CDC42BPA: variants seen among roughly 807,000 people sequenced by gnomAD.
The protein encoded by CDC42BPA is serine/threonine-protein kinase MRCK alpha.
A neutral mutation model predicts 223.5 loss-of-function variants in CDC42BPA; 80 were observed. The observed-to-expected ratio is 0.36, with a 90% CI of 0.30 to 0.43. CDC42BPA has a LOEUF of 0.43. Among genes scored for constraint, CDC42BPA ranks in the 20% least tolerant of loss-of-function variants. CDC42BPA has a pLI of 1.00. For synonymous variants in CDC42BPA, 694 were observed against 718.6 expected, an observed-to-expected ratio of 0.97 and a Z score of 0.55; for missense variants, 1,743 against 2,099.9, an observed-to-expected ratio of 0.83 and a Z score of 3.32.
chr1:227,074,220 TA>T, intron 18 of CDC42BPA, 38 bp downstream of exon 18: 1 of 1,471,996 alleles, frequency 6.8e-7, no homozygotes, highest in Non-Finnish European at 9.4e-7. Context: ...CTCTTTTTTC[TA>T]ATATGATAAG....
chr1:227,107,354 C>T (rs1165608957), intron 14 of CDC42BPA, among the ~76,000 whole-genome samples: 1 of 152,140 alleles, frequency 6.6e-6, no homozygotes, highest in Admixed American at 6.5e-5. Flanking sequence ...CTTATAGAAA[C>T]ACAACTGATT....
intron 1 of CDC42BPA, among the ~76,000 whole-genome samples, chr1:227,275,553 C>A (rs1686795100): frequency 2.0e-5 from 3 of 151,792 alleles, no homozygotes; most frequent in Admixed American, 1.3e-4. Context: ...ACAGATGACA[C>A]AAATAAACAA....
chr1:227,199,631 TTTC>T lies in CDC42BPA; in HGVS notation c.373_375del (p.Glu125del). On this transcript the variant is annotated inframe_deletion, in exon 4 of 37. Transcript: ENST00000366766. Reference sequence around the variant, plus strand: ...TTGTCTCCATTCACTAATACATCCCTTTCTTCACGAAAACATGCTGTCTGAAAC... The same window carrying T: ...TTGTCTCCATTCACTAATACATCCCTTTCACGAAAACATGCTGTCTGAAAC... 1 of 1,605,536 alleles carries T rather than the reference TTTC, an allele frequency of 6.2e-7. No homozygotes were observed. Among genetic ancestry groups the T allele is most frequent in the Non-Finnish European group, 8.5e-7 (1 of 1,173,818 alleles).
At chr1:227,177,782 T>C (rs889461715) in intron 5 of CDC42BPA, among the ~76,000 whole-genome samples, 8 of 152,228 alleles carry the variant, frequency 5.3e-5, no homozygotes, top group Admixed American at 4.6e-4. Flanking sequence ...GGAACTCCAA[T>C]TACTTGCATG....
intron 28 of CDC42BPA, 30 bp downstream of exon 28, chr1:227,031,268 A>G (rs776563506): frequency 1.3e-6 from 2 of 1,533,802 alleles, no homozygotes; most frequent in South Asian, 1.1e-5. Flanking sequence ...AAACAATGAT[A>G]ATAATATGAT....
At chr1:227,276,565 T>C (rs1687093399) in intron 1 of CDC42BPA, among the ~76,000 whole-genome samples, 1 of 152,106 alleles carries the variant, frequency 6.6e-6, no homozygotes, top group African/African-American at 2.4e-5. Flanking sequence ...CGCCGCCCCG[T>C]CTGGGAGGTG....
At chr1:227,173,769 G>T (rs762802569) in intron 5 of CDC42BPA, among the ~76,000 whole-genome samples, 1 of 151,498 alleles carries the variant, frequency 6.6e-6, no homozygotes, top group Non-Finnish European at 1.5e-5. Flanking sequence ...GATTTAAATC[G>T]GTATCCATGT....
At chr1:227,269,887 C>T (rs1685680493) in intron 1 of CDC42BPA, among the ~76,000 whole-genome samples, 1 of 152,078 alleles carries the variant, frequency 6.6e-6, no homozygotes, top group Non-Finnish European at 1.5e-5. Context: ...AAACTGGTAT[C>T]CTTTGAAGTG....
At chr1:227,058,993 T>C (rs1174638431) in intron 21 of CDC42BPA, among the ~76,000 whole-genome samples, 1 of 144,636 alleles carries the variant, frequency 6.9e-6, no homozygotes, top group Non-Finnish European at 1.5e-5. Flanking sequence ...CAAGTTTTCT[T>C]TCTACATAAT....
intron 1 of CDC42BPA, among the ~76,000 whole-genome samples, chr1:227,312,799 T>TCTC (rs1693747499): frequency 6.6e-6 from 1 of 151,744 alleles, no homozygotes; most frequent in Admixed American, 6.6e-5. Flanking sequence ...CCCTTTGTGT[T>TCTC]GTGATAGTGA....
chr1:227,128,610 G>A (rs140135715), intron 11 of CDC42BPA, among the ~76,000 whole-genome samples: 96 of 152,136 alleles, frequency 6.3e-4, no homozygotes, highest in African/African-American at 2.0e-3. Context: ...ATAGGTATAC[G>A]AACACTTGTC....
At chr1:227,160,016 A>G (rs1171399208) in intron 6 of CDC42BPA, among the ~76,000 whole-genome samples, 1 of 152,180 alleles carries the variant, frequency 6.6e-6, no homozygotes. Context: ...GCTATTAAGT[A>G]AACAAAAAAA....
At chr1:227,126,514 A>AGGAAGGAAGGAAGGAG (rs1332399547) in intron 11 of CDC42BPA, among the ~76,000 whole-genome samples, 1 of 106,696 alleles carries the variant, frequency 9.4e-6, no homozygotes, top group Non-Finnish European at 2.0e-5. Flanking sequence ...GAAGGAAGGA[A>AGGAAGGAAGGAAGGAG]GGAAGGTAAG....
At chr1:227,304,144 C>T (rs577998101) in intron 1 of CDC42BPA, among the ~76,000 whole-genome samples, 18 of 152,306 alleles carry the variant, frequency 1.2e-4, no homozygotes, top group African/African-American at 4.3e-4. Context: ...CCTGTAATCA[C>T]GCCGGTAATC....
chr1:227,163,723 C>T (rs948751746), intron 5 of CDC42BPA, among the ~76,000 whole-genome samples: 1 of 82,360 alleles, frequency 1.2e-5, no homozygotes, highest in Non-Finnish European at 2.8e-5. Context: ...TAATGTCCTT[C>T]TTATTTGTAA....
chr1:227,054,062 T>TA (rs889958456), intron 21 of CDC42BPA, among the ~76,000 whole-genome samples: 135 of 152,320 alleles, frequency 8.9e-4, no homozygotes, highest in African/African-American at 3.2e-3. Flanking sequence ...TTAAGGTATC[T>TA]AAGTAGGGGA....
chr1:227,180,658 T>C (rs1202556743), intron 5 of CDC42BPA: 4 of 152,230 alleles, frequency 2.6e-5, no homozygotes, highest in African/African-American at 9.6e-5. Flanking sequence ...ATCAACATTC[T>C]GACTATCTAT....
At chr1:227,240,085 T>C (rs914107318) in intron 2 of CDC42BPA, among the ~76,000 whole-genome samples, 35 of 152,028 alleles carry the variant, frequency 2.3e-4, no homozygotes, top group African/African-American at 7.7e-4. Context: ...CTTTAGTAGG[T>C]AGGAAATAAA....
At chr1:227,133,343 GC>G (rs1194226752) in intron 10 of CDC42BPA, among the ~76,000 whole-genome samples, 2 of 150,958 alleles carry the variant, frequency 1.3e-5, no homozygotes, top group Non-Finnish European at 3.0e-5. Flanking sequence ...GGAGGTGGGG[GC>G]GGACAGCCCC....
Sources: allele counts gnomAD v4.1 joint callset (sites outside exome capture counted in the v4.1 genomes callset), GRCh38; gene constraint gnomAD v4.1.1; transcripts MANE v1.5; gene names NCBI Gene and HGNC (gene_info 2026-07-23, HGNC 2026-07-21).